The following USP31 variants were observed in gnomAD, a reference collection of about 807,000 sequenced individuals.
USP31 encodes the protein ubiquitin specific peptidase 31.
Under a neutral mutation model 119.4 loss-of-function variants are expected in USP31, and 44 were observed. That is an observed-to-expected ratio of 0.37 (90% CI 0.29 to 0.47). The LOEUF is 0.47. Ranked by LOEUF, USP31 falls within the 20% of genes least tolerant of loss-of-function variation. The pLI, the probability that USP31 is intolerant of heterozygous loss-of-function variation, is 0.99. For missense variants in USP31, 1,643 were observed against 1,730.2 expected, an observed-to-expected ratio of 0.95 and a Z score of 0.89; for synonymous variants, 749 against 705.6, an observed-to-expected ratio of 1.06 and a Z score of -0.97.
chr16:23,145,182 A>T (rs1224626331), intron 1 of USP31, among the ~76,000 whole-genome samples: 1 of 152,164 alleles, frequency 6.6e-6, no homozygotes, highest in African/African-American at 2.4e-5. Context: ...CCTTTTTGGT[A>T]ATGCTTTCCT....
At position 23,066,739 on chromosome 16, in the gene USP31, T is replaced by C. The variant is rs1388710729; in HGVS notation, c.*1307A>G. On this transcript the variant is annotated 3_prime_UTR_variant, in exon 16 of 16. Transcript: ENST00000219689. ...AAAAAGCTTGCAAAACTATATACTT[T>C]GCTTATCTGTGAGGTTTTTTTTGGT... is the stretch of plus-strand genomic sequence containing the variant. The C allele has an allele frequency of 6.6e-6, 1 of 152,196 alleles. No individual in the cohort carries two copies. Among genetic ancestry groups the C allele is most frequent in the African/African-American group, 2.4e-5 (1 of 41,430 alleles). 9.4% of individuals were successfully genotyped at this position (152,196 alleles called of 1,614,324 possible).
chr16:23,089,496 C>T (rs976876985), intron 7 of USP31, among the ~76,000 whole-genome samples: 1 of 152,194 alleles, frequency 6.6e-6, no homozygotes, highest in Non-Finnish European at 1.5e-5. Context: ...ATGCCCAACA[C>T]ACTGTAAACA....
intron 1 of USP31, among the ~76,000 whole-genome samples, chr16:23,110,360 C>G (rs998870577): frequency 2.6e-5 from 4 of 152,108 alleles, no homozygotes; most frequent in African/African-American, 9.7e-5. Context: ...TGAGCTGGGC[C>G]TTGAAGATTA....
chr16:23,082,814 T>C (rs1466627637), intron 11 of USP31, among the ~76,000 whole-genome samples: 1 of 149,120 alleles, frequency 6.7e-6, no homozygotes, highest in Non-Finnish European at 1.5e-5. Flanking sequence ...GTTAAATATG[T>C]TACTTTCTTT....
At chr16:23,136,520 G>C (rs1381418695) in intron 1 of USP31, among the ~76,000 whole-genome samples, 1 of 152,138 alleles carries the variant, frequency 6.6e-6, no homozygotes, top group Non-Finnish European at 1.5e-5. Context: ...TGGGCGTGGT[G>C]GTGGGCGCCT....
rs189088501 is a variant in USP31, at chr16:23,072,889, C to G, written c.2336-692G>C. Among the ~76,000 whole-genome samples, 284 of 152,084 alleles carry G rather than the reference C, an allele frequency of 1.9e-3. 1 individual carries two copies. Among genetic ancestry groups the G allele is most frequent in the Non-Finnish European group, 3.0e-3 (206 of 67,986 alleles). On this transcript the variant is annotated intron_variant, in intron 14 of 15. Coordinates refer to ENST00000219689, the MANE Select transcript of USP31 (RefSeq NM_020718.4). Reference sequence around the variant, plus strand: ...TGTTAACTGAGTGAGTGGCTGTACACTGGGTGGGCTTGGCCCCCAGCAGGG... The same window carrying G: ...TGTTAACTGAGTGAGTGGCTGTACAGTGGGTGGGCTTGGCCCCCAGCAGGG...
At chr16:23,107,279 G>T (rs1902148204) in intron 2 of USP31, among the ~76,000 whole-genome samples, 1 of 152,162 alleles carries the variant, frequency 6.6e-6, no homozygotes, top group South Asian at 2.1e-4. Flanking sequence ...CACATGCAGA[G>T]AGCACTGTAC....
intron 13 of USP31, chr16:23,079,705 C>T (rs1246424832): frequency 2.5e-6 from 1 of 405,764 alleles, no homozygotes. Flanking sequence ...CAGACAATGC[C>T]ATCTGCACAT....
rs745920139 is a variant in USP31 at position 23,105,492 on chromosome 16, G to A, written c.1038C>T (p.Val346=). The A allele has an allele frequency of 1.8e-5, 29 of 1,614,062 alleles. No individual in the cohort carries two copies. The highest frequency in any genetic ancestry group is 1.6e-4 in the East Asian group (7 of 44,878). The change falls in exon 5 of 16, where the codon GTC becomes GTT. Residue 346 remains valine (V), a synonymous_variant. Transcript: ENST00000219689. ...TAGACACTGCTTCCCGAAGTCTGGC[G>A]ACAGTCCCAGACAGAGGTACGGCCA... ...IGVAVPLSGT[V]ARLREAVSME...
chr16:23,107,265 C>T (rs546437426), intron 2 of USP31, among the ~76,000 whole-genome samples: 101 of 152,250 alleles, frequency 6.6e-4, no homozygotes, highest in African/African-American at 2.4e-3. Context: ...TGAGCACCTG[C>T]TACCACATGC....
chr16:23,117,760 T>G (rs3046390), intron 1 of USP31, among the ~76,000 whole-genome samples: 23 of 144,994 alleles, frequency 1.6e-4, no homozygotes, highest in East Asian at 2.0e-4. Flanking sequence ...TCTTTTTTTT[T>G]TTGTTGTTGT....
intron 1 of USP31, among the ~76,000 whole-genome samples, chr16:23,137,460 C>G (rs1185552906): frequency 6.6e-6 from 1 of 152,008 alleles, no homozygotes. Flanking sequence ...TTCAAGAAAA[C>G]AAGAACTCAA....
rs1055946275 is a variant in USP31, at chr16:23,067,938, C to T, written c.*108G>A. ...TCACACACACACACACAGTCGGGCACGTGACTCAAAAAAGTACAAAACAAA... is the reference window on the plus strand; with the variant it reads ...TCACACACACACACACAGTCGGGCATGTGACTCAAAAAAGTACAAAACAAA... On this transcript the variant is annotated 3_prime_UTR_variant, in exon 16 of 16. Coordinates refer to ENST00000219689, the MANE Select transcript of USP31 (RefSeq NM_020718.4). 2.7e-5 allele frequency: 38 copies of T among 1,388,498 alleles called. 1 individual carries two copies. Among genetic ancestry groups the T allele is most frequent in the South Asian group, 1.8e-4 (13 of 70,842 alleles). The allele number at this position is 1,388,498 out of a possible 1,614,324, so 86.0% of individuals were successfully genotyped here.
intron 1 of USP31, among the ~76,000 whole-genome samples, chr16:23,132,689 A>G (rs1169504232): frequency 1.3e-5 from 2 of 152,220 alleles, no homozygotes; most frequent in Non-Finnish European, 2.9e-5. Context: ...CACATTGCAC[A>G]GTACCTGAAA....
Position 23,063,451 on chromosome 16 carries a change from T to C in USP31, c.*4595A>G, listed in dbSNP as rs925039044. The C allele has an allele frequency of 6.6e-6, 1 of 152,582 alleles. No individual in the cohort carries two copies. The highest frequency in any genetic ancestry group is 1.5e-5 in the Non-Finnish European group (1 of 68,032). The allele number at this position is 152,582 out of a possible 1,614,324, so 9.5% of individuals were successfully genotyped here. A position where few individuals can be genotyped will look rare whatever the true frequency, so the allele number is the denominator to read the frequency against. On this transcript the variant is annotated 3_prime_UTR_variant, in exon 16 of 16. Coordinates refer to ENST00000219689, the MANE Select transcript of USP31 (RefSeq NM_020718.4). ...GACCAAAATAGAACCCTTGAAGATA[T>C]AAAAAATTAAAATCTATAGAAAATG...
chr16:23,088,650 T>C (rs1370522680), intron 7 of USP31, among the ~76,000 whole-genome samples: 1 of 152,232 alleles, frequency 6.6e-6, no homozygotes, highest in Non-Finnish European at 1.5e-5. Context: ...GAGTCTAGGC[T>C]GTCTCCTACT....
intron 13 of USP31, among the ~76,000 whole-genome samples, chr16:23,074,311 C>T (rs13333342): frequency 0.28 from 42,823 of 152,076 alleles, 6,373 homozygotes; most frequent in Admixed American, 0.35. Flanking sequence ...CAAGACAAAA[C>T]TGTCCGACCA....
intron 2 of USP31, 111 bp downstream of exon 2, chr16:23,107,935 C>T: frequency 7.4e-7 from 1 of 1,343,364 alleles, no homozygotes; most frequent in East Asian, 2.5e-5. Flanking sequence ...CTTATACTCA[C>T]CCAGAGCTTA....
At position 23,090,816 on chromosome 16, in the gene USP31, TA is replaced by T. The variant is rs753002531; in HGVS notation, c.1235-13del. The T allele has an allele frequency of 1.9e-5, 29 of 1,510,796 alleles. No homozygotes were observed. In the African/African-American group the frequency reaches 3.8e-4, roughly 20 times the overall value. 93.6% of individuals were successfully genotyped at this position (1,510,796 alleles called of 1,614,324 possible). On this transcript the variant is annotated splice_polypyrimidine_tract_variant and intron_variant, in intron 6 of 15. Coordinates refer to ENST00000219689, the MANE Select transcript of USP31 (RefSeq NM_020718.4). ...GTTTAAATGAATTCCTGAAACAGAATAAAAACAACTCATTTTATCTCTTCAA... is the reference window on the plus strand; with the variant it reads ...GTTTAAATGAATTCCTGAAACAGAATAAAACAACTCATTTTATCTCTTCAA...
Sources: gnomAD v4.1 joint callset for allele counts (sites outside exome capture counted in the v4.1 genomes callset) on GRCh38, gnomAD v4.1.1 for gene constraint, MANE v1.5 for transcripts, NCBI Gene and HGNC (gene_info 2026-07-23, HGNC 2026-07-21) for gene names.